SPON1: variants seen among roughly 807,000 people sequenced by gnomAD.
SPON1 encodes spondin-1.
In SPON1, 52 loss-of-function variants were observed where a neutral mutation model predicts 111.7. The observed-to-expected ratio is 0.47, with a 90% confidence interval of 0.37 to 0.59. The LOEUF (loss-of-function observed/expected upper bound fraction) is 0.59, where lower values mean the gene tolerates loss of function less well. Among genes scored for constraint, SPON1 ranks in the 20% least tolerant of loss-of-function variants. The pLI is 0.00. For synonymous variants in SPON1, 410 were observed against 395.8 expected (o/e 1.04, Z -0.43); for missense variants, 957 against 1,068.5 (o/e 0.90, Z 1.46).
At chr11:14,082,655 A>G (rs1848971691) in intron 5 of SPON1, among the ~76,000 whole-genome samples, 1 of 152,202 alleles carries the variant, frequency 6.6e-6, no homozygotes. Context: ...GAGGAAAAGG[A>G]GTGAACACTC....
intron 4 of SPON1, among the ~76,000 whole-genome samples, chr11:14,076,347 A>G (rs1284024694): frequency 6.6e-6 from 1 of 152,198 alleles, no homozygotes; most frequent in African/African-American, 2.4e-5. Context: ...CTCTCCAACT[A>G]TAGCAAAGTA....
chr11:14,240,202 G>A (rs767519447), intron 6 of SPON1, among the ~76,000 whole-genome samples: 6 of 152,204 alleles, frequency 3.9e-5, no homozygotes, highest in Non-Finnish European at 8.8e-5. Context: ...CTGAGCGGCC[G>A]TAGGCATGGT....
intron 3 of SPON1, among the ~76,000 whole-genome samples, chr11:14,043,023 A>G (rs536877099): frequency 1.3e-5 from 2 of 152,348 alleles, no homozygotes; most frequent in Admixed American, 1.3e-4. Flanking sequence ...TTAAGAAAAA[A>G]TCAGAATTTT....
In SPON1 at chr11:14,064,178, C is replaced by T. The variant is rs113457181; in HGVS notation, c.480-11167C>T. On this transcript the variant is annotated intron_variant, in intron 3 of 15. Coordinates refer to ENST00000576479, the MANE Select transcript of SPON1 (RefSeq NM_006108.4). ...GGTCCACCAGGGAATAACAAGGTTC[C>T]TACCCTCAAAAAGCTTGGAATTCAG... Among the ~76,000 whole-genome samples the T allele has an allele frequency of 7.1e-3, 1,076 of 152,282 alleles. 23 individuals are homozygous for T. The highest frequency in any genetic ancestry group is 0.025 in the African/African-American group (1,035 of 41,536).
intron 2 of SPON1, among the ~76,000 whole-genome samples, chr11:13,994,836 T>A (rs1166103468): frequency 6.6e-6 from 1 of 152,212 alleles, no homozygotes; most frequent in Non-Finnish European, 1.5e-5. Context: ...AGGAGCATAG[T>A]GGCCAGAACA....
At chr11:14,131,024 T>C (rs909199189) in intron 5 of SPON1, among the ~76,000 whole-genome samples, 1 of 152,218 alleles carries the variant, frequency 6.6e-6, no homozygotes, top group Non-Finnish European at 1.5e-5. Context: ...TGTTAACTAT[T>C]GTTATGTCAT....
chr11:14,034,394 T>G (rs1023905358), intron 2 of SPON1, among the ~76,000 whole-genome samples: 1 of 152,086 alleles, frequency 6.6e-6, no homozygotes, highest in African/African-American at 2.4e-5. Context: ...AGATGACGAG[T>G]GTGGAGACGT....
intron 5 of SPON1, among the ~76,000 whole-genome samples, chr11:14,091,817 A>G (rs1235052242): frequency 1.3e-5 from 2 of 152,214 alleles, no homozygotes; most frequent in Non-Finnish European, 1.5e-5. Context: ...AATGCCGCCA[A>G]AGTAGGAGCC....
intron 6 of SPON1, among the ~76,000 whole-genome samples, chr11:14,172,677 G>T (rs529297568): frequency 2.0e-5 from 3 of 151,658 alleles, no homozygotes; most frequent in East Asian, 3.8e-4. Flanking sequence ...AGCTCTTTTA[G>T]GGCAGGCCTG....
intron 6 of SPON1, among the ~76,000 whole-genome samples, chr11:14,210,388 T>TTG (rs201700346): frequency 3.2e-4 from 48 of 150,070 alleles, no homozygotes; most frequent in Middle Eastern, 3.4e-3. Context: ...TTTTTTTTTT[T>TTG]GTTTTTTGTT....
intron 7 of SPON1, among the ~76,000 whole-genome samples, chr11:14,249,688 A>G (rs1435525636): frequency 6.6e-6 from 1 of 152,236 alleles, no homozygotes; most frequent in African/African-American, 2.4e-5. Flanking sequence ...CTCTAGAAGC[A>G]GTATCAAAAT....
intron 6 of SPON1, among the ~76,000 whole-genome samples, chr11:14,184,094 C>T (rs1171871408): frequency 1.3e-5 from 2 of 152,162 alleles, no homozygotes; most frequent in Non-Finnish European, 2.9e-5. Context: ...AACATTCAAC[C>T]GAACAATAAT....
At chr11:14,160,043 A>G (rs1554930777) in intron 6 of SPON1, among the ~76,000 whole-genome samples, 1 of 152,006 alleles carries the variant, frequency 6.6e-6, no homozygotes, top group Non-Finnish European at 1.5e-5. Context: ...TAAAGAGTAT[A>G]ATTGGATTGT....
Position 13,997,671 on chromosome 11 carries a change from C to A in SPON1, c.345+14718C>A, listed in dbSNP as rs370512954. Among the ~76,000 whole-genome samples, 20 of 152,302 alleles carry A rather than the reference C, an allele frequency of 1.3e-4. No individual in the cohort carries two copies. The East Asian group carries it at 1.7e-3, about 13-fold the overall frequency. ...GTAACTACTAGCTATCTTTCCAACT[C>A]CACAGGTGAGGAGAGAGACAGTCTT... On this transcript the variant is annotated intron_variant, in intron 2 of 15. Transcript: ENST00000576479.
At chr11:14,205,034 A>G (rs1848503533) in intron 6 of SPON1, among the ~76,000 whole-genome samples, 4 of 152,120 alleles carry the variant, frequency 2.6e-5, no homozygotes. Flanking sequence ...GTTCCCCAGC[A>G]CACCCAGATA....
intron 2 of SPON1, among the ~76,000 whole-genome samples, chr11:14,025,278 C>T (rs1434549222): frequency 6.6e-6 from 1 of 152,168 alleles, no homozygotes. Flanking sequence ...CTTCATGAAT[C>T]GATTTCCTCT....
At chr11:14,040,663 G>A (rs1379675957) in intron 2 of SPON1, among the ~76,000 whole-genome samples, 4 of 151,862 alleles carry the variant, frequency 2.6e-5, no homozygotes, top group African/African-American at 9.7e-5. Flanking sequence ...ATAAGATTGT[G>A]TTTTGAAGAT....
At chr11:14,260,234 C>G (rs1269600678) in intron 13 of SPON1, among the ~76,000 whole-genome samples, 2 of 152,198 alleles carry the variant, frequency 1.3e-5, no homozygotes, top group Non-Finnish European at 2.9e-5. Context: ...CATCCCTGAG[C>G]CTCTCCTTTA....
At chr11:13,986,136 C>T (rs1287666607) in intron 2 of SPON1, among the ~76,000 whole-genome samples, 1 of 152,154 alleles carries the variant, frequency 6.6e-6, no homozygotes, top group East Asian at 1.9e-4. Flanking sequence ...CAGAGATAGT[C>T]CTCATGAAGC....
Sources: gnomAD v4.1 joint callset for allele counts (sites outside exome capture counted in the v4.1 genomes callset) on GRCh38, gnomAD v4.1.1 for gene constraint, MANE v1.5 for transcripts, NCBI Gene and HGNC (gene_info 2026-07-23, HGNC 2026-07-21) for gene names.